Variants in PMFBP1 observed in about 807,000 individuals in gnomAD.
PMFBP1 encodes polyamine-modulated factor 1-binding protein 1.
Under a neutral mutation model 137.8 loss-of-function variants are expected in PMFBP1, and 131 were observed. The observed-to-expected ratio is 0.95, with a 90% CI of 0.82 to 1.10. The LOEUF is 1.10. Ranked by LOEUF, PMFBP1 falls within the 50% of genes least tolerant of loss-of-function variation. PMFBP1 has a pLI of 0.00. For missense variants in PMFBP1, 1,199 were observed against 1,175.4 expected, an observed-to-expected ratio of 1.02 and a Z score of -0.29; for synonymous variants, 490 against 450.4, an observed-to-expected ratio of 1.09 and a Z score of -1.11.
intron 5 of PMFBP1, among the ~76,000 whole-genome samples, chr16:72,143,430 G>T (rs917779349): frequency 2.0e-5 from 3 of 152,180 alleles, no homozygotes; most frequent in Admixed American, 6.5e-5. Flanking sequence ...TAAGAGAGAA[G>T]TTTTCCTATA....
chr16:72,218,018 G>T, the PMFBP1 span, among the ~76,000 whole-genome samples: 3 of 152,136 alleles, frequency 2.0e-5, no homozygotes, highest in African/African-American at 7.2e-5. Flanking sequence ...CTGCTATACA[G>T]TATTTCCTGC....
chr16:72,215,855 G>C, the PMFBP1 span, among the ~76,000 whole-genome samples: 1 of 152,196 alleles, frequency 6.6e-6, no homozygotes, highest in Non-Finnish European at 1.5e-5. Context: ...AGTTAGGAGG[G>C]AAGTTCAGGC....
intron 4 of PMFBP1, among the ~76,000 whole-genome samples, chr16:72,153,959 CACAT>C (rs201395374): frequency 0.017 from 2,338 of 140,020 alleles, 142 homozygotes; most frequent in East Asian, 0.12. Context: ...CACACACACA[CACAT>C]GCCTGCACAC....
intron 3 of PMFBP1, among the ~76,000 whole-genome samples, chr16:72,155,080 C>G (rs759061840): frequency 6.6e-6 from 1 of 152,040 alleles, no homozygotes; most frequent in Non-Finnish European, 1.5e-5. Context: ...AATCCACAAT[C>G]TATCTGAAAT....
At chr16:72,146,728 T>G (rs2042812765) in intron 5 of PMFBP1, among the ~76,000 whole-genome samples, 1 of 152,054 alleles carries the variant, frequency 6.6e-6, no homozygotes, top group Non-Finnish European at 1.5e-5. Flanking sequence ...TATACATCAT[T>G]AACAGACAAA....
At chr16:72,151,170 G>C (rs554577897) in intron 4 of PMFBP1, among the ~76,000 whole-genome samples, 2 of 152,160 alleles carry the variant, frequency 1.3e-5, no homozygotes, top group South Asian at 4.1e-4. Context: ...TGAAATGCTG[G>C]TATTTTTTCC....
chr16:72,234,581 ATATAAGCTTCC>A, the PMFBP1 span, among the ~76,000 whole-genome samples: 3 of 152,170 alleles, frequency 2.0e-5, no homozygotes, highest in African/African-American at 7.2e-5. Context: ...ACGAATAATT[ATATAAGCTTCC>A]TATAAAGGGA....
the PMFBP1 span, among the ~76,000 whole-genome samples, chr16:72,219,267 T>C: frequency 1.2e-4 from 18 of 152,164 alleles, no homozygotes; most frequent in African/African-American, 4.1e-4. Flanking sequence ...TAGGGCTTTT[T>C]ACTTGTATTA....
At chr16:72,249,941 A>AAAAAG in the PMFBP1 span, among the ~76,000 whole-genome samples, 1 of 150,860 alleles carries the variant, frequency 6.6e-6, no homozygotes, top group Non-Finnish European at 1.5e-5. Context: ...AAAAAAAAAA[A>AAAAAG]AAAGAAAGAA....
upstream of PMFBP1, among the ~76,000 whole-genome samples, chr16:72,179,345 G>A (rs2043268988): frequency 1.3e-5 from 2 of 152,142 alleles, no homozygotes; most frequent in African/African-American, 4.8e-5. Flanking sequence ...ATTTCCACAA[G>A]AGCAACATTT....
chr16:72,220,617 G>A, the PMFBP1 span, among the ~76,000 whole-genome samples: 50 of 152,206 alleles, frequency 3.3e-4, no homozygotes, highest in South Asian at 1.0e-3. Context: ...GAGCTCCAAC[G>A]AGAAAACACA....
intron 5 of PMFBP1, among the ~76,000 whole-genome samples, chr16:72,145,990 A>T (rs2042800006): frequency 6.6e-6 from 1 of 152,212 alleles, no homozygotes; most frequent in Non-Finnish European, 1.5e-5. Context: ...AACTATTCCA[A>T]TCAATAGAAA....
chr16:72,222,613 T>C, the PMFBP1 span, among the ~76,000 whole-genome samples: 12 of 152,162 alleles, frequency 7.9e-5, no homozygotes, highest in Admixed American at 2.6e-4. Context: ...ATACCTGCTA[T>C]GTAACGGTGC....
chr16:72,182,986 C>T, the PMFBP1 span, among the ~76,000 whole-genome samples: 1 of 152,178 alleles, frequency 6.6e-6, no homozygotes, highest in East Asian at 1.9e-4. Flanking sequence ...GGACTGGGTC[C>T]TCAGATTCTG....
At chr16:72,141,032 T>A (rs1369632893) in intron 5 of PMFBP1, among the ~76,000 whole-genome samples, 1 of 147,614 alleles carries the variant, frequency 6.8e-6, no homozygotes, top group African/African-American at 2.5e-5. Flanking sequence ...CCTTCCAGGT[T>A]CAAGCGATTC....
At chr16:72,172,025 G>C (rs2043227118) in intron 1 of PMFBP1, 29 bp downstream of exon 1, 1 of 152,130 alleles carries the variant, frequency 6.6e-6, no homozygotes. Flanking sequence ...TTAACCCTAA[G>C]AATAGAGGAA....
chr16:72,222,754 T>G, the PMFBP1 span, among the ~76,000 whole-genome samples: 1 of 152,140 alleles, frequency 6.6e-6, no homozygotes, highest in Non-Finnish European at 1.5e-5. Flanking sequence ...GAGTTTTTTG[T>G]TTTTGTTTTT....
intron 8 of PMFBP1, 23 bp from the exon 9 acceptor site, chr16:72,136,628 C>A (rs1023233989): frequency 6.2e-7 from 1 of 1,613,974 alleles, no homozygotes; most frequent in Non-Finnish European, 8.5e-7. Flanking sequence ...GGGACAGAGT[C>A]TATGCTCAGG....
chr16:72,214,083 T>C, the PMFBP1 span, among the ~76,000 whole-genome samples: 1 of 152,180 alleles, frequency 6.6e-6, no homozygotes. Context: ...TGTATAAGTG[T>C]GGAGGTAACT....
Sources: gnomAD v4.1 joint callset for allele counts (sites outside exome capture counted in the v4.1 genomes callset) on GRCh38, gnomAD v4.1.1 for gene constraint, MANE v1.5 for transcripts, NCBI Gene and HGNC (gene_info 2026-07-23, HGNC 2026-07-21) for gene names.